Variants in CRACR2A observed in about 807,000 individuals in gnomAD.
CRACR2A encodes the protein EF-hand calcium-binding domain-containing protein 4B.
Under a neutral mutation model 90.5 loss-of-function variants are expected in CRACR2A, and 79 were observed. The observed-to-expected ratio is 0.87, with a 90% confidence interval of 0.73 to 1.05. CRACR2A has a LOEUF of 1.05. Ranked by LOEUF, CRACR2A falls within the 50% of genes least tolerant of loss-of-function variation. The pLI is 0.00. For synonymous variants in CRACR2A, 338 were observed against 356.7 expected (o/e 0.95, Z 0.59); for missense variants, 823 against 897.2 (o/e 0.92, Z 1.06).
chr12:3,741,165 C>T (rs1186325029), intron 1 of CRACR2A, among the ~76,000 whole-genome samples: 1 of 152,184 alleles, frequency 6.6e-6, no homozygotes, highest in Non-Finnish European at 1.5e-5. Context: ...TTAGTTCCCA[C>T]TCTATTTCAG....
Position 3,746,316 on chromosome 12 carries a change from A to G in CRACR2A, c.-387+6699T>C, listed in dbSNP as rs1397182935. Among the ~76,000 whole-genome samples, 2 of 151,398 alleles carry G rather than the reference A, an allele frequency of 1.3e-5. No individual in the cohort carries two copies. Among genetic ancestry groups the G allele is most frequent in the Admixed American group, 1.3e-4 (2 of 15,230 alleles). ...AGGTCATGAGGGTGGGGCCCTCATGATGGGATTAGTGCCCATCATGAAGAG... is the reference window on the plus strand; with the variant it reads ...AGGTCATGAGGGTGGGGCCCTCATGGTGGGATTAGTGCCCATCATGAAGAG... On this transcript the variant is annotated intron_variant, in intron 1 of 19. Transcript: ENST00000440314. The surrounding 1 kb of genome is among the most constrained non-coding windows in gnomAD (Gnocchi z 4.4).
chr12:3,748,536 T>C (rs1946657552), intron 1 of CRACR2A, among the ~76,000 whole-genome samples: 1 of 152,162 alleles, frequency 6.6e-6, no homozygotes. Flanking sequence ...AAGAAAATTC[T>C]ATAGCCCTCA....
intron 2 of CRACR2A, among the ~76,000 whole-genome samples, chr12:3,725,060 T>C (rs1946239219): frequency 6.6e-6 from 1 of 152,144 alleles, no homozygotes; most frequent in Non-Finnish European, 1.5e-5. Context: ...ACAGTCGCTG[T>C]CCTATAATAG....
At chr12:3,690,492 T>C (rs1945633350) in intron 4 of CRACR2A, among the ~76,000 whole-genome samples, 1 of 152,220 alleles carries the variant, frequency 6.6e-6, no homozygotes, top group Non-Finnish European at 1.5e-5. Context: ...TTAGTCTTCA[T>C]TTCTAATCCG....
At chr12:3,718,480 T>A (rs1946110753) in intron 2 of CRACR2A, among the ~76,000 whole-genome samples, 1 of 152,270 alleles carries the variant, frequency 6.6e-6, no homozygotes, top group African/African-American at 2.4e-5. Context: ...TACTGTCCAA[T>A]ACAGTAGCCA....
At position 3,746,024 on chromosome 12, in the gene CRACR2A, T is replaced by C. The variant is rs906630995; in HGVS notation, c.-387+6991A>G. ...GCCCTGTCGAGGGGGTGAAGGGCTG[T>C]TCCTGTGCCTCAGGGCCCTGTGCTG... is the stretch of plus-strand genomic sequence containing the variant. On this transcript the variant is annotated intron_variant, in intron 1 of 19. Coordinates refer to ENST00000440314, the MANE Select transcript of CRACR2A (RefSeq NM_001144958.2). The surrounding 1 kb of genome is among the most constrained non-coding windows in gnomAD (Gnocchi z 4.4). 2.0e-5 allele frequency among the ~76,000 whole-genome samples: 3 copies of C among 151,990 alleles called. No individual in the cohort carries two copies. The highest frequency in any genetic ancestry group is 4.4e-5 in the Non-Finnish European group (3 of 67,992).
rs140604617 is a variant in CRACR2A at position 3,691,963 on chromosome 12, T to C, written c.228+4809A>G. Among the ~76,000 whole-genome samples the C allele has an allele frequency of 1.4e-4, 22 of 152,358 alleles. No individual in the cohort carries two copies. The East Asian group carries it at 3.7e-3, about 25-fold the overall frequency. On this transcript the variant is annotated intron_variant, in intron 4 of 19. Transcript: ENST00000440314. ...GCTATTAATACTTGTGATTGAATCATGAAATTCTTGTAGTGTAGTTTTTCA... is the reference window on the plus strand; with the variant it reads ...GCTATTAATACTTGTGATTGAATCACGAAATTCTTGTAGTGTAGTTTTTCA...
At chr12:3,714,790 C>A (rs368074314) in intron 2 of CRACR2A, among the ~76,000 whole-genome samples, 3 of 152,180 alleles carry the variant, frequency 2.0e-5, no homozygotes, top group Admixed American at 6.5e-5. Context: ...GGGGCCAGAT[C>A]TTAGGGTGAT....
At chr12:3,654,975 T>C (rs955947349) in intron 9 of CRACR2A, among the ~76,000 whole-genome samples, 8 of 152,206 alleles carry the variant, frequency 5.3e-5, no homozygotes, top group Non-Finnish European at 1.2e-4. Flanking sequence ...ATAGACCTTT[T>C]CTATGTCCCT....
intron 13 of CRACR2A, among the ~76,000 whole-genome samples, chr12:3,639,163 C>A (rs1307853295): frequency 6.6e-6 from 1 of 152,178 alleles, no homozygotes; most frequent in Admixed American, 6.5e-5. Context: ...GGCTTTGGGT[C>A]AGAAGAAAGC....
At chr12:3,726,869 A>G (rs1012856143) in intron 2 of CRACR2A, 1 of 152,194 alleles carries the variant, frequency 6.6e-6, no homozygotes, top group Non-Finnish European at 1.5e-5. Context: ...GAAAGAAAAA[A>G]AAAAGTGGCT....
intron 3 of CRACR2A, among the ~76,000 whole-genome samples, chr12:3,706,093 T>C (rs1945915551): frequency 1.3e-5 from 2 of 152,296 alleles, no homozygotes; most frequent in African/African-American, 4.8e-5. Context: ...ACCCTAAACG[T>C]ATAGGGCAGG....
rs1045602207 is a variant in CRACR2A, at chr12:3,711,860, C to T, written c.-37+1377G>A. On this transcript the variant is annotated intron_variant, in intron 3 of 19. Transcript: ENST00000440314. This position sits in a 1 kb window ranked among gnomAD's most constrained non-coding sequence, Gnocchi z 4.3. ...TGCTATACTGAGGTGGAATAAAAGG[C>T]CATCCAAAGGGCTAAATTTTGACAT... Among the ~76,000 whole-genome samples the T allele has an allele frequency of 6.6e-6, 1 of 152,138 alleles. No homozygotes were observed.
At chr12:3,649,300 T>A (rs1051001375) in intron 10 of CRACR2A, among the ~76,000 whole-genome samples, 10 of 152,056 alleles carry the variant, frequency 6.6e-5, no homozygotes, top group African/African-American at 1.9e-4. Flanking sequence ...AACTGCCCTA[T>A]CCTATCCAGA....
At chr12:3,640,446 T>A in intron 13 of CRACR2A, 1 of 1,098,718 alleles carries the variant, frequency 9.1e-7, no homozygotes, top group Non-Finnish European at 1.2e-6. Flanking sequence ...GTCTAATTTA[T>A]TTTTGGAGGC....
intron 1 of CRACR2A, among the ~76,000 whole-genome samples, chr12:3,744,965 A>C (rs1946587851): frequency 6.6e-6 from 1 of 152,198 alleles, no homozygotes; most frequent in African/African-American, 2.4e-5. Flanking sequence ...TATCACAATG[A>C]AACAGTGAAG....
intron 14 of CRACR2A, among the ~76,000 whole-genome samples, chr12:3,636,368 G>T (rs1021482798): frequency 2.0e-5 from 3 of 152,218 alleles, no homozygotes; most frequent in Non-Finnish European, 4.4e-5. Flanking sequence ...CCCTGCTGCA[G>T]TTCCTGTTCC....
intron 1 of CRACR2A, among the ~76,000 whole-genome samples, chr12:3,743,190 C>A (rs74058340): frequency 6.6e-6 from 1 of 152,110 alleles, no homozygotes; most frequent in African/African-American, 2.4e-5. Flanking sequence ...GTTTAGTTTG[C>A]GATGTGTGAC....
At position 3,673,444 on chromosome 12, in the gene CRACR2A, AC is replaced by A; in HGVS notation, c.671+1del. On this transcript the variant is annotated splice_donor_variant, in intron 7 of 19. Transcript: ENST00000440314. LOFTEE classifies it high-confidence loss of function. ...GAAAGCGGCTGACACTGGGGTACCC[AC>A]CTTTTTAGGGCACACTCCAGTTCAT... is the stretch of plus-strand genomic sequence containing the variant. 1.2e-6 allele frequency: 2 copies of A among 1,609,564 alleles called. No individual in the cohort carries two copies. The highest frequency in any genetic ancestry group is 1.3e-5 in the African/African-American group (1 of 74,792).
Sources: allele counts gnomAD v4.1 joint callset (sites outside exome capture counted in the v4.1 genomes callset), GRCh38; gene constraint gnomAD v4.1.1; non-coding constraint Gnocchi (gnomAD v3.1); transcripts MANE v1.5; gene names NCBI Gene and HGNC (gene_info 2026-07-23, HGNC 2026-07-21).